Variants in NKAPD1 observed in about 807,000 individuals in gnomAD.
The protein encoded by NKAPD1 is uncharacterized protein NKAPD1.
A neutral mutation model predicts 30.9 loss-of-function variants in NKAPD1; 12 were observed. The ratio of observed to expected loss-of-function variants is 0.39; its 90% CI spans 0.25 to 0.63. NKAPD1 has a LOEUF of 0.63. NKAPD1 is among the 20% of genes least tolerant of loss of function. NKAPD1 has a pLI of 0.51. For synonymous variants in NKAPD1, 91 were observed against 113.6 expected (o/e 0.80, Z 1.26); for missense variants, 311 against 344.5 (o/e 0.90, Z 0.77).
chr11:112,080,269 CT>C (rs571411828), intron 3 of NKAPD1, 139 bp from the exon 4 acceptor site: 90,335 of 579,030 alleles, frequency 0.16, 81 homozygotes, highest in East Asian at 0.19. Context: ...ATGTCTTTGC[CT>C]TTTTTTTTTT....
chr11:112,080,129 T>C (rs1045768203), intron 3 of NKAPD1, among the ~76,000 whole-genome samples: 9 of 152,136 alleles, frequency 5.9e-5, no homozygotes, highest in Admixed American at 2.0e-4. Context: ...CAGATTTTTT[T>C]CCACTGGACT....
At chr11:112,079,140 A>AT (rs1204439629) in intron 3 of NKAPD1, among the ~76,000 whole-genome samples, 23 of 91,246 alleles carry the variant, frequency 2.5e-4, no homozygotes, top group Non-Finnish European at 4.3e-4. Flanking sequence ...AGGCCCTTAC[A>AT]ATTTTTTTTT....
chr11:112,081,733 G>C (rs1036963495), intron 4 of NKAPD1: 13 of 426,336 alleles, frequency 3.0e-5, no homozygotes, highest in Non-Finnish European at 5.5e-5. Flanking sequence ...GAGTTCGTTA[G>C]TGTTTCTTAA....
intron 2 of NKAPD1, among the ~76,000 whole-genome samples, chr11:112,076,717 A>C (rs1032760581): frequency 1.3e-4 from 20 of 152,222 alleles, no homozygotes; most frequent in African/African-American, 4.3e-4. Flanking sequence ...TTGTTTTGCT[A>C]TCTTACAGGT....
rs377091190 is a variant in NKAPD1, at chr11:112,083,220, C to T, written c.*248C>T. 3.2e-5 allele frequency: 12 copies of T among 377,192 alleles called. No individual in the cohort carries two copies. Among genetic ancestry groups the T allele is most frequent in the African/African-American group, 1.0e-4 (5 of 49,046 alleles). 23.4% of individuals were successfully genotyped at this position (377,192 alleles called of 1,614,324 possible). ...GATTATTTTTTTTTGCAATTAATTA[C>T]GTTTAGTGTAGAGTGCATATACAGC... On this transcript the variant is annotated 3_prime_UTR_variant, in exon 6 of 6. Coordinates refer to ENST00000393047, the MANE Select transcript of NKAPD1 (RefSeq NM_018195.4).
Position 112,080,469 on chromosome 11 carries a change from T to G in NKAPD1, c.231T>G (p.Asn77Lys), listed in dbSNP as rs770491300. The change falls in exon 4 of 6, where the codon AAT (asparagine) becomes AAG (lysine). Residue 77 changes from asparagine to lysine, a missense_variant. Physicochemically the swap from Asn to Lys is moderately conservative, Grantham distance 94. Coordinates refer to ENST00000393047, the MANE Select transcript of NKAPD1 (RefSeq NM_018195.4). ...ESQRYYWRPKNEISGTLEDDF... is the reference protein window; with the variant it reads ...ESQRYYWRPKKEISGTLEDDF... ...AAAGATACTATTGGAGGCCAAAGAA[T>G]GAAATTTCTGGGACACTGGAAGATG... 2.2e-5 allele frequency: 35 copies of G among 1,613,966 alleles called. No homozygotes were observed. Among genetic ancestry groups the G allele is most frequent in the Middle Eastern group, 3.3e-4 (2 of 6,084 alleles).
intron 2 of NKAPD1, 74 bp downstream of exon 2, chr11:112,075,717 A>G: frequency 6.9e-7 from 1 of 1,445,524 alleles, no homozygotes; most frequent in Non-Finnish European, 9.4e-7. Flanking sequence ...TTTTGGAACA[A>G]CTGGGAGATA....
intron 4 of NKAPD1, 147 bp downstream of exon 4, chr11:112,080,705 A>G: frequency 1.3e-6 from 1 of 791,490 alleles, no homozygotes; most frequent in South Asian, 1.8e-5. Context: ...AAGTAATCCA[A>G]ATGTCTGTCA....
rs1865522015 is a variant in NKAPD1, at chr11:112,084,057, G to A, written c.*1085G>A. 1.3e-5 allele frequency: 2 copies of A among 152,746 alleles called. No homozygotes were observed. Among genetic ancestry groups the A allele is most frequent in the South Asian group, 4.1e-4 (2 of 4,834 alleles). The allele number at this position is 152,746 out of a possible 1,614,324, so 9.5% of individuals were successfully genotyped here. A position where few individuals can be genotyped will look rare whatever the true frequency, so the allele number is the denominator to read the frequency against. ...CAGAACGCAAGTGCATTTTTTCACTGTGGGAAGAAAGATCAAGTGACGTAT... is the reference window on the plus strand; with the variant it reads ...CAGAACGCAAGTGCATTTTTTCACTATGGGAAGAAAGATCAAGTGACGTAT... On this transcript the variant is annotated 3_prime_UTR_variant, in exon 6 of 6. Coordinates refer to ENST00000393047, the MANE Select transcript of NKAPD1 (RefSeq NM_018195.4).
intron 3 of NKAPD1, among the ~76,000 whole-genome samples, chr11:112,079,343 A>G (rs1865396296): frequency 6.6e-6 from 1 of 151,844 alleles, no homozygotes; most frequent in South Asian, 2.1e-4. Context: ...ACAGGGTTTC[A>G]CCATGTTGGC....
rs1555185323 is a variant in NKAPD1 at position 112,074,512 on chromosome 11, T to TC, written c.-410dup. The TC allele has an allele frequency of 7.5e-6, 3 of 398,936 alleles. No homozygotes were observed. Among genetic ancestry groups the TC allele is most frequent in the African/African-American group, 6.2e-5 (3 of 48,620 alleles). 24.7% of individuals were successfully genotyped at this position (398,936 alleles called of 1,614,324 possible). ...GGAAACCTCAACCCCCGCTTCAGGC[T>TC]CCCTAGATACTTTCTGGGGCCCAAC... On this transcript the variant is annotated 5_prime_UTR_variant, in exon 1 of 6. It removes the in-frame stop codon of an upstream open reading frame in the 5' UTR. Transcript: ENST00000393047.
At chr11:112,080,733 C>T (rs1335187308) in intron 4 of NKAPD1, 175 bp downstream of exon 4, 4 of 632,008 alleles carry the variant, frequency 6.3e-6, no homozygotes, top group Non-Finnish European at 1.1e-5. Context: ...AATGGGTAAA[C>T]AAAATGCGAT....
intron 1 of NKAPD1, 116 bp from the exon 2 acceptor site, chr11:112,075,451 C>T (rs1865303585): frequency 1.4e-6 from 1 of 721,866 alleles, no homozygotes; most frequent in Non-Finnish European, 2.3e-6. Flanking sequence ...TTTAGAATCT[C>T]TGACTTCTAG....
intron 5 of NKAPD1, 84 bp downstream of exon 5, chr11:112,082,119 A>G (rs142176496): frequency 8.7e-7 from 1 of 1,151,976 alleles, no homozygotes; most frequent in East Asian, 2.4e-5. Context: ...TACGAAGAAT[A>G]TACTTGCCAT....
At chr11:112,076,198 C>G (rs1325152887) in intron 2 of NKAPD1, among the ~76,000 whole-genome samples, 1 of 152,098 alleles carries the variant, frequency 6.6e-6, no homozygotes, top group South Asian at 2.1e-4. Flanking sequence ...TGTTTTTAAA[C>G]AGGGTGTGGC....
In NKAPD1 at chr11:112,084,651, G is replaced by C. The variant is rs555959690; in HGVS notation, c.*1679G>C. 6.5e-6 allele frequency: 1 copy of C among 152,680 alleles called. No individual in the cohort carries two copies. Among genetic ancestry groups the C allele is most frequent in the East Asian group, 1.9e-4 (1 of 5,182 alleles). 9.5% of individuals were successfully genotyped at this position (152,680 alleles called of 1,614,324 possible). ...TTAGCATGCATTGTTTCTGTGCCCT[G>C]AAAGTACCTGAAAGGTTTTAAGCAC... is the stretch of plus-strand genomic sequence containing the variant. On this transcript the variant is annotated 3_prime_UTR_variant, in exon 6 of 6. Transcript: ENST00000393047.
At chr11:112,080,643 G>T in intron 4 of NKAPD1, 85 bp downstream of exon 4, 1 of 1,484,476 alleles carries the variant, frequency 6.7e-7, no homozygotes, top group South Asian at 1.3e-5. Flanking sequence ...AAAAACTTGT[G>T]TACAAAAGTT....
At chr11:112,081,696 G>C (rs1865457361) in intron 4 of NKAPD1, 1 of 314,258 alleles carries the variant, frequency 3.2e-6, no homozygotes, top group Admixed American at 5.2e-5. Context: ...TTGGAAAAGT[G>C]CTTCATAGCT....
At position 112,080,484 on chromosome 11, in the gene NKAPD1, A is replaced by C; in HGVS notation, c.246A>C (p.Thr82=). 1 of 1,614,090 alleles carries C rather than the reference A, an allele frequency of 6.2e-7. No individual in the cohort carries two copies. The highest frequency in any genetic ancestry group is 8.5e-7 in the Non-Finnish European group (1 of 1,179,994). Residue 82 remains threonine, a synonymous_variant, in exon 4 of 6, where the codon ACA becomes ACC. Coordinates refer to ENST00000393047, the MANE Select transcript of NKAPD1 (RefSeq NM_018195.4). Reference sequence around the variant, plus strand: ...GGCCAAAGAATGAAATTTCTGGGACACTGGAAGATGATTTTCTTAAGGCTA... The same window carrying C: ...GGCCAAAGAATGAAATTTCTGGGACCCTGGAAGATGATTTTCTTAAGGCTA... ...YWRPKNEISG[T]LEDDFLKAKS...
Sources: allele counts gnomAD v4.1 joint callset (sites outside exome capture counted in the v4.1 genomes callset), GRCh38; gene constraint gnomAD v4.1.1; transcripts MANE v1.5; gene names NCBI Gene and HGNC (gene_info 2026-07-23, HGNC 2026-07-21).